Variants in DLG2 observed in about 807,000 individuals in gnomAD.
DLG2 encodes discs large MAGUK scaffold protein 2, also known as disks large homolog 2.
Under a neutral mutation model 132.5 loss-of-function variants are expected in DLG2, and 45 were observed. The ratio of observed to expected loss-of-function variants is 0.34; its 90% CI spans 0.27 to 0.44. The LOEUF is 0.44. Ranked by LOEUF, DLG2 falls within the 20% of genes least tolerant of loss-of-function variation. The pLI, the probability that DLG2 is intolerant of heterozygous loss-of-function variation, is 1.00. For missense variants in DLG2, 1,045 were observed against 1,196.9 expected (o/e 0.87, Z 1.87); for synonymous variants, 424 against 419.6 (o/e 1.01, Z -0.13).
At chr11:84,073,897 A>AC (rs1256433909) in intron 10 of DLG2, among the ~76,000 whole-genome samples, 3 of 152,222 alleles carry the variant, frequency 2.0e-5, no homozygotes, top group Non-Finnish European at 4.4e-5. Flanking sequence ...TTAAAAGCCA[A>AC]CCAACATATA....
intron 7 of DLG2, among the ~76,000 whole-genome samples, chr11:84,318,121 A>C (rs1042884646): frequency 6.6e-6 from 1 of 152,210 alleles, no homozygotes; most frequent in African/African-American, 2.4e-5. Context: ...TCTGCCATAC[A>C]GTATTTTGGT....
chr11:84,883,310 G>C (rs1205161919), intron 6 of DLG2, among the ~76,000 whole-genome samples: 8 of 151,980 alleles, frequency 5.3e-5, no homozygotes, highest in Admixed American at 6.6e-5. Context: ...GGCCTGTTAG[G>C]GGGTGGGGGA....
At chr11:84,956,632 C>A (rs555568947) in intron 6 of DLG2, among the ~76,000 whole-genome samples, 51 of 152,180 alleles carry the variant, frequency 3.4e-4, no homozygotes, top group African/African-American at 1.1e-3. Context: ...AGAATAGTAG[C>A]CTTGGCCCTC....
At chr11:83,468,773 C>T (rs1191714134) in intron 25 of DLG2, among the ~76,000 whole-genome samples, 3 of 152,106 alleles carry the variant, frequency 2.0e-5, no homozygotes, top group East Asian at 1.9e-4. Context: ...AGAACTTCTG[C>T]GAGCAAAAGG....
chr11:83,882,228 G>T (rs2066472899), intron 15 of DLG2, among the ~76,000 whole-genome samples: 1 of 152,124 alleles, frequency 6.6e-6, no homozygotes, highest in East Asian at 1.9e-4. Flanking sequence ...ACTGTGGCCA[G>T]ACGTTGAAAA....
Position 85,259,729 on chromosome 11 carries a change from TG to T in DLG2, c.186+25490del, listed in dbSNP as rs1427344206. Among the ~76,000 whole-genome samples the T allele has an allele frequency of 5.3e-5, 8 of 152,070 alleles. No homozygotes were observed. The East Asian group carries it at 1.6e-3, about 30-fold the overall frequency. The stretch of plus-strand genomic sequence containing the variant: ...CCATAAATTCTGTCTTACTTCTCAT[TG>T]ACAATCCAAATCCCCTGGCCAGAAA... On this transcript the variant is annotated intron_variant, in intron 4 of 27. Transcript: ENST00000376104.
intron 6 of DLG2, among the ~76,000 whole-genome samples, chr11:84,825,274 T>C (rs1441250922): frequency 1.3e-5 from 2 of 151,838 alleles, no homozygotes; most frequent in African/African-American, 2.4e-5. Context: ...TGTATTTGTA[T>C]TGGTACAATG....
intron 21 of DLG2, among the ~76,000 whole-genome samples, chr11:83,518,070 C>T (rs1462978665): frequency 1.3e-5 from 2 of 152,224 alleles, no homozygotes; most frequent in African/African-American, 4.8e-5. Flanking sequence ...ACATTTAAGT[C>T]TGCAGAGGTT....
chr11:83,897,653 T>C (rs2072166840), intron 15 of DLG2, among the ~76,000 whole-genome samples: 3 of 152,172 alleles, frequency 2.0e-5, no homozygotes, highest in Admixed American at 2.0e-4. Flanking sequence ...CATTGATTTA[T>C]TCCACAAATA....
At chr11:85,053,499 T>C (rs538563298) in intron 6 of DLG2, among the ~76,000 whole-genome samples, 1 of 151,794 alleles carries the variant, frequency 6.6e-6, no homozygotes, top group African/African-American at 2.4e-5. Context: ...AAAAATATAG[T>C]GAGTACAGGC....
intron 6 of DLG2, among the ~76,000 whole-genome samples, chr11:84,884,070 C>G (rs998418720): frequency 3.9e-5 from 6 of 152,218 alleles, no homozygotes; most frequent in African/African-American, 9.6e-5. Flanking sequence ...GGATTCTAAG[C>G]TACTCACACA....
chr11:84,449,757 T>G (rs1168916482), intron 7 of DLG2, among the ~76,000 whole-genome samples: 1 of 151,852 alleles, frequency 6.6e-6, no homozygotes, highest in Non-Finnish European at 1.5e-5. Flanking sequence ...TAAATTTATT[T>G]TAAAAGGGAA....
At chr11:85,140,996 C>G (rs1424658668) in intron 5 of DLG2, among the ~76,000 whole-genome samples, 1 of 151,822 alleles carries the variant, frequency 6.6e-6, no homozygotes, top group Non-Finnish European at 1.5e-5. Context: ...ACTTTGATTC[C>G]AAATCTTGGC....
At chr11:85,033,382 C>A (rs1344120144) in intron 6 of DLG2, among the ~76,000 whole-genome samples, 3 of 111,312 alleles carry the variant, frequency 2.7e-5, no homozygotes, top group Admixed American at 9.3e-5. Context: ...ACAATATATC[C>A]TAGCAAAAAA....
At chr11:85,045,311 T>C (rs1010703274) in intron 6 of DLG2, among the ~76,000 whole-genome samples, 5 of 152,082 alleles carry the variant, frequency 3.3e-5, no homozygotes, top group Non-Finnish European at 7.4e-5. Context: ...TAATGAGTAA[T>C]ATAGGTAATA....
At chr11:84,580,048 C>G (rs1363324688) in intron 6 of DLG2, among the ~76,000 whole-genome samples, 1 of 152,088 alleles carries the variant, frequency 6.6e-6, no homozygotes, top group Admixed American at 6.5e-5. Context: ...GTTTGAGATC[C>G]TGTAGAATAT....
intron 7 of DLG2, among the ~76,000 whole-genome samples, chr11:84,432,075 A>G (rs1368582504): frequency 1.3e-5 from 2 of 152,232 alleles, no homozygotes; most frequent in African/African-American, 4.8e-5. Context: ...AAAAATGAAG[A>G]TAATTACAAC....
intron 6 of DLG2, among the ~76,000 whole-genome samples, chr11:84,578,497 T>G (rs1476292922): frequency 6.6e-6 from 1 of 152,130 alleles, no homozygotes; most frequent in Non-Finnish European, 1.5e-5. Context: ...GGAGATCATT[T>G]TGGAGTTTTA....
Position 85,050,888 on chromosome 11 carries a change from A to G in DLG2, c.357+60773T>C, listed in dbSNP as rs1251824643. On this transcript the variant is annotated intron_variant, in intron 6 of 27. Coordinates refer to ENST00000376104, the MANE Select transcript of DLG2 (RefSeq NM_001142699.3). ...GGCACTCAGTCTCTGTTTGCTCTGC[A>G]TTAGCATTATTGTAAGGCTTAATAG... is the stretch of plus-strand genomic sequence containing the variant. Among the ~76,000 whole-genome samples, 5 of 152,218 alleles carry G rather than the reference A, an allele frequency of 3.3e-5. No individual in the cohort carries two copies. In the East Asian group the frequency reaches 9.7e-4, roughly 29 times the overall value.
Sources: gnomAD v4.1 joint callset for allele counts (sites outside exome capture counted in the v4.1 genomes callset) on GRCh38, gnomAD v4.1.1 for gene constraint, MANE v1.5 for transcripts, NCBI Gene and HGNC (gene_info 2026-07-23, HGNC 2026-07-21) for gene names.